The following FKBP5 variants were observed in gnomAD, a reference collection of about 807,000 sequenced individuals.
The protein encoded by FKBP5 is FKBP prolyl isomerase 5, also known as peptidyl-prolyl cis-trans isomerase FKBP5.
In FKBP5, 23 loss-of-function variants were observed where a neutral mutation model predicts 50.5. That is an observed-to-expected ratio of 0.46 (90% confidence interval 0.33 to 0.65). The LOEUF (loss-of-function observed/expected upper bound fraction) is 0.65, where lower values mean the gene tolerates loss of function less well. FKBP5 is among the 30% of genes least tolerant of loss of function. The pLI is 0.02. For synonymous variants in FKBP5, 176 were observed against 190.6 expected (o/e 0.92, Z 0.63); for missense variants, 411 against 553.1 (o/e 0.74, Z 2.58).
intron 1 of FKBP5, among the ~76,000 whole-genome samples, chr6:35,727,764 G>T (rs2766536): frequency 0.23 from 35,425 of 152,200 alleles, 4,667 homozygotes; most frequent in South Asian, 0.37. Flanking sequence ...GGAGAAGCAC[G>T]GACTGAGCGC....
At chr6:35,633,895 C>T (rs567139647) in intron 3 of FKBP5, among the ~76,000 whole-genome samples, 2 of 152,230 alleles carry the variant, frequency 1.3e-5, no homozygotes, top group African/African-American at 4.8e-5. Flanking sequence ...TTCCTAATGC[C>T]CGGCTGGAAG....
rs111384609 is a variant in FKBP5, at chr6:35,629,376, G to A, written c.250+7638C>T. ...CTGCCTTGGCCTCCCAAACTGCTGA[G>A]ATTACAGTAATTTATGTTTAAGACT... On this transcript the variant is annotated intron_variant, in intron 3 of 10. Transcript: ENST00000357266. 5.4e-3 allele frequency among the ~76,000 whole-genome samples: 824 copies of A among 152,278 alleles called. 10 individuals are homozygous for A. Among genetic ancestry groups the A allele is most frequent in the African/African-American group, 0.018 (752 of 41,546 alleles).
At chr6:35,626,339 CTT>C (rs1293915411) in intron 3 of FKBP5, among the ~76,000 whole-genome samples, 1 of 152,148 alleles carries the variant, frequency 6.6e-6, no homozygotes, top group South Asian at 2.1e-4. Context: ...TAATGTTACA[CTT>C]TTTTCTGGTT....
intron 1 of FKBP5, among the ~76,000 whole-genome samples, chr6:35,665,293 C>CTTT (rs370647403): frequency 1.4e-5 from 2 of 142,786 alleles, no homozygotes; most frequent in Non-Finnish European, 1.5e-5. Flanking sequence ...AAATGCTCCT[C>CTTT]TTTTTTTTTT....
chr6:35,609,807 C>T (rs1037837709), intron 5 of FKBP5, among the ~76,000 whole-genome samples: 2 of 152,166 alleles, frequency 1.3e-5, no homozygotes, highest in African/African-American at 4.8e-5. Context: ...GCTCTAACTT[C>T]CAGAAACTTT....
chr6:35,689,831 A>G (rs923484499), upstream of FKBP5, among the ~76,000 whole-genome samples: 8 of 152,064 alleles, frequency 5.3e-5, no homozygotes, highest in African/African-American at 1.9e-4. Flanking sequence ...GCAAGACTCC[A>G]TCTCAAAACA....
At chr6:35,696,166 A>G (rs1766077862) in intron 2 of FKBP5, among the ~76,000 whole-genome samples, 1 of 148,222 alleles carries the variant, frequency 6.7e-6, no homozygotes, top group Admixed American at 6.7e-5. Context: ...AAAAAAAAAG[A>G]CAGTCTTTAG....
At chr6:35,609,034 G>C (rs151267729) in intron 5 of FKBP5, among the ~76,000 whole-genome samples, 2 of 152,334 alleles carry the variant, frequency 1.3e-5, no homozygotes, top group East Asian at 1.9e-4. Flanking sequence ...CTGGCCTCAA[G>C]TGACGCCCTC....
At chr6:35,683,517 G>C (rs2151011717) in intron 1 of FKBP5, among the ~76,000 whole-genome samples, 1 of 151,812 alleles carries the variant, frequency 6.6e-6, no homozygotes, top group Admixed American at 6.6e-5. Flanking sequence ...CCAGGCTGGA[G>C]TGTAGTGGTG....
chr6:35,646,936 G>A (rs1764647076), intron 1 of FKBP5, among the ~76,000 whole-genome samples: 1 of 152,082 alleles, frequency 6.6e-6, no homozygotes, highest in African/African-American at 2.4e-5. Context: ...TAAACTATCA[G>A]GTCCCCCAAA....
intron 2 of FKBP5, among the ~76,000 whole-genome samples, chr6:35,716,008 T>C (rs765510215): frequency 2.6e-5 from 4 of 151,894 alleles, no homozygotes; most frequent in African/African-American, 7.3e-5. Flanking sequence ...TGAGGACTGA[T>C]TGGATGAGGT....
chr6:35,605,703 T>C (rs777648075), intron 5 of FKBP5, among the ~76,000 whole-genome samples: 20 of 152,086 alleles, frequency 1.3e-4, no homozygotes, highest in Non-Finnish European at 2.6e-4. Context: ...CAGCCGTCAA[T>C]ATCATACTGA....
chr6:35,610,610 A>G (rs2150971948), intron 5 of FKBP5, among the ~76,000 whole-genome samples: 1 of 147,252 alleles, frequency 6.8e-6, no homozygotes, highest in South Asian at 2.1e-4. Context: ...AAATACATTC[A>G]TTTTCCCTAG....
Position 35,597,271 on chromosome 6 carries a change from T to G in FKBP5, c.642A>C (p.Gln214His), listed in dbSNP as rs777043650. The G allele has an allele frequency of 6.2e-7, 1 of 1,614,036 alleles. No homozygotes were observed. Among genetic ancestry groups the G allele is most frequent in the African/African-American group, 1.3e-5 (1 of 75,024 alleles). ...ACCTTGGTCCAAGATATAAAATACA[T>G]TGTTCTTCCCGCTGCATTTTCTCCA... is the stretch of plus-strand genomic sequence containing the variant. Reference protein sequence around the residue: ...KALEKMQREEQCILYLGPRYG... With the variant: ...KALEKMQREEHCILYLGPRYG... The change falls in exon 6 of 11, where the codon CAA becomes CAC. Residue 214 changes from glutamine (Q) to histidine (H), a missense_variant. By Grantham distance (24) the Gln-to-His change is conservative (BLOSUM62 0). Coordinates refer to ENST00000357266, the MANE Select transcript of FKBP5 (RefSeq NM_004117.4).
Position 35,575,880 on chromosome 6 carries a change from T to C in FKBP5, c.1329A>G (p.Thr443=). Residue 443 remains threonine (T), a synonymous_variant, in exon 11 of 11, where the codon ACA becomes ACG. Transcript: ENST00000357266. The part of the protein sequence containing the change: ...TSEGVTNEKG[T]DSQAMEEEKP... The stretch of plus-strand genomic sequence containing the variant: ...TCTCTTCTTCCATTGCTTGACTGTC[T>C]GTTCCTTTTTCATTAGTGACCCCTT... 6.2e-7 allele frequency: 1 copy of C among 1,614,136 alleles called. No individual in the cohort carries two copies. Among genetic ancestry groups the C allele is most frequent in the Non-Finnish European group, 8.5e-7 (1 of 1,179,964 alleles).
At chr6:35,717,660 A>G (rs1766537562) in intron 2 of FKBP5, among the ~76,000 whole-genome samples, 1 of 152,176 alleles carries the variant, frequency 6.6e-6, no homozygotes, top group Non-Finnish European at 1.5e-5. Context: ...GGGTCTGGAC[A>G]TGGCTGTGGG....
intron 3 of FKBP5, among the ~76,000 whole-genome samples, chr6:35,634,056 A>G (rs968456851): frequency 2.0e-5 from 3 of 152,196 alleles, no homozygotes; most frequent in African/African-American, 7.2e-5. Flanking sequence ...AAACTCATTC[A>G]CCATAGTGTT....
chr6:35,617,809 T>C (rs756067911), intron 5 of FKBP5, among the ~76,000 whole-genome samples: 2 of 152,184 alleles, frequency 1.3e-5, no homozygotes, highest in Non-Finnish European at 2.9e-5. Context: ...TGACAAGTAG[T>C]ATACACAGTG....
chr6:35,628,969 G>A (rs1333824395), intron 3 of FKBP5, among the ~76,000 whole-genome samples: 2 of 152,138 alleles, frequency 1.3e-5, no homozygotes, highest in Admixed American at 6.5e-5. Context: ...TGCCCGCCTC[G>A]GCCTCCCAAA....
Sources: allele counts gnomAD v4.1 joint callset (sites outside exome capture counted in the v4.1 genomes callset), GRCh38; gene constraint gnomAD v4.1.1; transcripts MANE v1.5; gene names NCBI Gene and HGNC (gene_info 2026-07-23, HGNC 2026-07-21).